Variants in SLC38A11 observed in about 807,000 individuals in gnomAD.
SLC38A11 encodes solute carrier family 38 member 11, also known as putative sodium-coupled neutral amino acid transporter 11.
SLC38A11 carries 51 observed loss-of-function variants against 49.4 expected under a neutral mutation model. The ratio of observed to expected loss-of-function variants is 1.03; its 90% CI spans 0.83 to 1.30. The LOEUF is 1.30. Ranked by LOEUF, SLC38A11 falls within the 50% of genes most tolerant of loss-of-function variation. The probability of loss-of-function intolerance (pLI) is 0.00; values close to 1 mark genes in which losing one functional copy is unlikely to be tolerated. For missense variants in SLC38A11, 574 were observed against 556.2 expected (o/e 1.03, Z -0.32); for synonymous variants, 203 against 192.9 (o/e 1.05, Z -0.43).
At chr2:164,948,048 T>G (rs1295788297) in intron 3 of SLC38A11, among the ~76,000 whole-genome samples, 1 of 152,206 alleles carries the variant, frequency 6.6e-6, no homozygotes, top group Non-Finnish European at 1.5e-5. Context: ...TTAAAATATT[T>G]CAGGGAGACC....
At chr2:164,941,566 T>G (rs1687768037) in intron 5 of SLC38A11, among the ~76,000 whole-genome samples, 1 of 152,150 alleles carries the variant, frequency 6.6e-6, no homozygotes, top group Non-Finnish European at 1.5e-5. Flanking sequence ...TTTTAAAAAG[T>G]CATTTTTGAT....
intron 7 of SLC38A11, 122 bp downstream of exon 7, chr2:164,937,228 A>C: frequency 1.4e-6 from 1 of 690,716 alleles, no homozygotes; most frequent in Admixed American, 2.6e-5. Context: ...CATTTTGTCA[A>C]ATACCAAAGA....
At chr2:164,944,385 A>T (rs1023603971) in intron 5 of SLC38A11, among the ~76,000 whole-genome samples, 184 bp downstream of exon 5, 4 of 152,186 alleles carry the variant, frequency 2.6e-5, no homozygotes, top group African/African-American at 9.7e-5. Context: ...AATAAGAACT[A>T]AATTATGTAT....
At chr2:164,943,875 G>A (rs1259743779) in intron 5 of SLC38A11, among the ~76,000 whole-genome samples, 1 of 151,332 alleles carries the variant, frequency 6.6e-6, no homozygotes, top group Non-Finnish European at 1.5e-5. Flanking sequence ...TATTTTTTTT[G>A]AGACAGGGTC....
intron 3 of SLC38A11, among the ~76,000 whole-genome samples, chr2:164,946,281 A>ATTT (rs1688099698): frequency 6.6e-6 from 1 of 152,234 alleles, no homozygotes; most frequent in Non-Finnish European, 1.5e-5. Flanking sequence ...TGAAATTTAC[A>ATTT]TTTTTGGCCG....
chr2:164,919,378 T>G (rs922440592), intron 7 of SLC38A11, among the ~76,000 whole-genome samples: 1 of 151,308 alleles, frequency 6.6e-6, no homozygotes, highest in African/African-American at 2.4e-5. Context: ...GAAAAGAAAT[T>G]TAAAACTCAA....
chr2:164,942,295 C>T (rs1156622757), intron 5 of SLC38A11, among the ~76,000 whole-genome samples: 9 of 151,114 alleles, frequency 6.0e-5, no homozygotes, highest in African/African-American at 9.7e-5. Context: ...CAAAACCGGG[C>T]GTGGTGGTGT....
At chr2:164,920,667 C>T (rs561627560) in intron 7 of SLC38A11, among the ~76,000 whole-genome samples, 1 of 152,098 alleles carries the variant, frequency 6.6e-6, no homozygotes, top group East Asian at 1.9e-4. Flanking sequence ...CTTTACAAAA[C>T]CCCTGTGTGT....
intron 11 of SLC38A11, among the ~76,000 whole-genome samples, chr2:164,905,293 CT>C (rs958592997): frequency 2.6e-5 from 4 of 151,320 alleles, no homozygotes; most frequent in African/African-American, 9.7e-5. Context: ...AATATTTTCT[CT>C]TTTTTTTGGT....
Position 164,898,397 on chromosome 2 carries a change from TAA to T in SLC38A11, c.*38_*39del, listed in dbSNP as rs1180992333. ...AAGCAAGCGTAAATGTTATGTGTTTTAAAGTCTATGAAAACATACATATTTTT... is the reference window on the plus strand; with the variant it reads ...AAGCAAGCGTAAATGTTATGTGTTTTAGTCTATGAAAACATACATATTTTT... On this transcript the variant is annotated 3_prime_UTR_variant, in exon 12 of 12. Coordinates refer to ENST00000685975, the MANE Select transcript of SLC38A11 (RefSeq NM_001351537.2). 3.5e-6 allele frequency: 5 copies of T among 1,419,750 alleles called. No individual in the cohort carries two copies. The South Asian group carries it at 6.1e-5, about 17-fold the overall frequency. The allele number at this position is 1,419,750 out of a possible 1,614,324, so 87.9% of individuals were successfully genotyped here. A position where few individuals can be genotyped will look rare whatever the true frequency, so the allele number is the denominator to read the frequency against.
intron 7 of SLC38A11, among the ~76,000 whole-genome samples, chr2:164,933,141 G>T (rs1422630506): frequency 1.3e-5 from 2 of 152,036 alleles, no homozygotes; most frequent in East Asian, 3.8e-4. Context: ...AATGCTGTAA[G>T]AAAGATGTCA....
intron 5 of SLC38A11, among the ~76,000 whole-genome samples, chr2:164,940,760 ATGTGTATGTG>A (rs1687712205): frequency 6.6e-6 from 1 of 150,544 alleles, no homozygotes; most frequent in African/African-American, 2.4e-5. Flanking sequence ...GTATATATAT[ATGTGTATGTG>A]TGTGTATATA....
intron 3 of SLC38A11, among the ~76,000 whole-genome samples, chr2:164,950,308 A>G (rs1688436898): frequency 6.6e-6 from 1 of 152,146 alleles, no homozygotes; most frequent in South Asian, 2.1e-4. Flanking sequence ...CACAGAGAGG[A>G]GGCAACCAAT....
intron 3 of SLC38A11, 38 bp downstream of exon 3, chr2:164,952,669 T>C (rs766526177): frequency 4.6e-6 from 6 of 1,316,176 alleles, no homozygotes; most frequent in South Asian, 1.2e-5. Context: ...TATTGCACAG[T>C]TGAAGTTGCA....
At position 164,948,888 on chromosome 2, in the gene SLC38A11, CTTTT is replaced by C. The variant is rs67268569; in HGVS notation, c.230-3165_230-3162del. Among the ~76,000 whole-genome samples, 5 of 136,190 alleles carry C rather than the reference CTTTT, an allele frequency of 3.7e-5. No homozygotes were observed. In the South Asian group the frequency reaches 1.0e-3, roughly 28 times the overall value. 89.3% of individuals were successfully genotyped at this position (136,190 alleles called of 152,430 possible). On this transcript the variant is annotated intron_variant, in intron 3 of 11. Coordinates refer to ENST00000685975, the MANE Select transcript of SLC38A11 (RefSeq NM_001351537.2). The stretch of plus-strand genomic sequence containing the variant: ...TGCTTCCATTTTCTCTGCTAACTCA[CTTTT>C]TTTTTTTTTTTTTCATAAATACTCA...
At chr2:164,933,699 A>AC (rs2105490762) in intron 7 of SLC38A11, among the ~76,000 whole-genome samples, 1 of 152,118 alleles carries the variant, frequency 6.6e-6, no homozygotes, top group East Asian at 1.9e-4. Flanking sequence ...AATGAAGAAA[A>AC]CCACACATGG....
intron 7 of SLC38A11, among the ~76,000 whole-genome samples, chr2:164,920,162 T>C (rs1686084116): frequency 6.6e-6 from 1 of 151,648 alleles, no homozygotes; most frequent in Non-Finnish European, 1.5e-5. Flanking sequence ...TAATCCCAGC[T>C]ACTCAAGAGA....
intron 11 of SLC38A11, among the ~76,000 whole-genome samples, chr2:164,903,643 A>T (rs1476101532): frequency 6.6e-6 from 1 of 152,158 alleles, no homozygotes; most frequent in Non-Finnish European, 1.5e-5. Flanking sequence ...TTTAATGTAG[A>T]CTTGCTTAAG....
At chr2:164,938,048 C>A (rs1307821194) in intron 6 of SLC38A11, among the ~76,000 whole-genome samples, 1 of 152,102 alleles carries the variant, frequency 6.6e-6, no homozygotes, top group African/African-American at 2.4e-5. Context: ...CTGTGTGTGT[C>A]TGTGCCCGGT....
Sources: allele counts gnomAD v4.1 joint callset (sites outside exome capture counted in the v4.1 genomes callset), GRCh38; gene constraint gnomAD v4.1.1; transcripts MANE v1.5; gene names NCBI Gene and HGNC (gene_info 2026-07-23, HGNC 2026-07-21).